Variants in PRKD1 observed in about 807,000 individuals in gnomAD.
PRKD1 encodes the protein protein kinase D1.
PRKD1 carries 63 observed loss-of-function variants against 95.9 expected under a neutral mutation model. That is an observed-to-expected ratio of 0.66 (90% confidence interval 0.54 to 0.81). The LOEUF is 0.81. PRKD1 is among the 30% of genes least tolerant of loss of function. PRKD1 has a pLI of 0.00. For missense variants in PRKD1, 1,048 were observed against 1,165.3 expected (o/e 0.90, Z 1.47); for synonymous variants, 425 against 423.1 (o/e 1.00, Z -0.05).
At chr14:29,798,168 T>C (rs1232879365) in intron 1 of PRKD1, among the ~76,000 whole-genome samples, 3 of 152,240 alleles carry the variant, frequency 2.0e-5, no homozygotes, top group South Asian at 2.1e-4. Context: ...GAAAATTTTA[T>C]GTTTTTGCAG....
chr14:29,744,677 G>A (rs1320442009), intron 1 of PRKD1, among the ~76,000 whole-genome samples: 2 of 152,140 alleles, frequency 1.3e-5, no homozygotes, highest in East Asian at 3.9e-4. Flanking sequence ...CTCCCGAGTA[G>A]TTGGGATTAC....
chr14:29,798,105 G>T (rs1889889935), intron 1 of PRKD1, among the ~76,000 whole-genome samples: 1 of 152,204 alleles, frequency 6.6e-6, no homozygotes, highest in Non-Finnish European at 1.5e-5. Context: ...TTGTGAAGAT[G>T]TCAACAGAAA....
Position 29,684,143 on chromosome 14 carries a change from GTT to G in PRKD1, c.404-17937_404-17936del, listed in dbSNP as rs11285857. Among the ~76,000 whole-genome samples, 373 of 135,794 alleles carry G rather than the reference GTT, an allele frequency of 2.7e-3. 1 individual carries two copies. Among genetic ancestry groups the G allele is most frequent in the African/African-American group, 3.7e-3 (130 of 35,046 alleles). 89.1% of individuals were successfully genotyped at this position (135,794 alleles called of 152,430 possible). A position where few individuals can be genotyped will look rare whatever the true frequency, so the allele number is the denominator to read the frequency against. On this transcript the variant is annotated intron_variant, in intron 2 of 17. Coordinates refer to ENST00000331968, the MANE Select transcript of PRKD1 (RefSeq NM_002742.3). ...CTTCCAGTATTTTTTCTTTAGAATGGTTTTTTTTTTTTTTTTCTTTTTTCTGA... is the reference window on the plus strand; with the variant it reads ...CTTCCAGTATTTTTTCTTTAGAATGGTTTTTTTTTTTTTTCTTTTTTCTGA...
At chr14:29,627,767 G>A (rs1330422350) in intron 11 of PRKD1, among the ~76,000 whole-genome samples, 1 of 151,674 alleles carries the variant, frequency 6.6e-6, no homozygotes, top group African/African-American at 2.4e-5. Context: ...TTTTTCCTTT[G>A]TTCTTCCCCC....
rs1219863055 is a variant in PRKD1 at position 29,826,822 on chromosome 14, TATATATATATATATATACACAC to T, written c.264+100405_264+100426del. ...ATATACACATATATATACACATATA[TATATATATATATATATACACAC>T]ATATATATATATATATATATATATA... On this transcript the variant is annotated intron_variant, in intron 1 of 17. Coordinates refer to ENST00000331968, the MANE Select transcript of PRKD1 (RefSeq NM_002742.3). 3.3e-3 allele frequency among the ~76,000 whole-genome samples: 97 copies of T among 29,440 alleles called. 7 individuals carry two copies. The highest frequency in any genetic ancestry group is 7.3e-3 in the South Asian group (4 of 546). 19.3% of individuals were successfully genotyped at this position (29,440 alleles called of 152,430 possible). A position where few individuals can be genotyped will look rare whatever the true frequency, so the allele number is the denominator to read the frequency against.
At chr14:29,820,821 G>C (rs905043796) in intron 1 of PRKD1, among the ~76,000 whole-genome samples, 2 of 152,186 alleles carry the variant, frequency 1.3e-5, no homozygotes, top group African/African-American at 4.8e-5. Flanking sequence ...ACATGTAATT[G>C]CCATAGTCTT....
chr14:29,658,010 A>T (rs1177013857), intron 4 of PRKD1: 1 of 152,198 alleles, frequency 6.6e-6, no homozygotes, highest in Non-Finnish European at 1.5e-5. Context: ...AAAAATTACA[A>T]CTTTGTTTGC....
chr14:29,737,228 A>C (rs1886763888), intron 1 of PRKD1, among the ~76,000 whole-genome samples: 1 of 147,562 alleles, frequency 6.8e-6, no homozygotes, highest in African/African-American at 2.5e-5. Flanking sequence ...AGGCTGAGGC[A>C]GGAGAATGGC....
chr14:29,704,668 T>C (rs1354249909), intron 2 of PRKD1, among the ~76,000 whole-genome samples: 1 of 152,112 alleles, frequency 6.6e-6, no homozygotes, highest in Admixed American at 6.6e-5. Context: ...GTGTATCCCC[T>C]CAACAGTAAC....
intron 1 of PRKD1, among the ~76,000 whole-genome samples, chr14:29,739,989 A>C (rs1886912554): frequency 6.6e-6 from 1 of 152,216 alleles, no homozygotes; most frequent in Non-Finnish European, 1.5e-5. Context: ...TAAGTTTTAA[A>C]ATAAATGTTC....
intron 1 of PRKD1, among the ~76,000 whole-genome samples, chr14:29,731,884 T>A (rs1377978486): frequency 2.7e-5 from 4 of 148,194 alleles, no homozygotes; most frequent in South Asian, 2.1e-4. Flanking sequence ...TTTTTTTTTT[T>A]TTTTTTTGAG....
intron 1 of PRKD1, among the ~76,000 whole-genome samples, chr14:29,817,347 T>G (rs1482381461): frequency 2.0e-5 from 3 of 152,040 alleles, no homozygotes; most frequent in African/African-American, 7.2e-5. Context: ...TGAAAAGATT[T>G]CAAAAAAGAT....
chr14:29,845,927 A>C (rs1344224385), intron 1 of PRKD1, among the ~76,000 whole-genome samples: 1 of 152,200 alleles, frequency 6.6e-6, no homozygotes, highest in Non-Finnish European at 1.5e-5. Flanking sequence ...GTTGTTGATG[A>C]ATCTATTTAA....
At chr14:29,834,765 T>C (rs2139302374) in intron 1 of PRKD1, among the ~76,000 whole-genome samples, 1 of 152,308 alleles carries the variant, frequency 6.6e-6, no homozygotes, top group South Asian at 2.1e-4. Flanking sequence ...TTATCTCATT[T>C]TGTGCTTACA....
intron 1 of PRKD1, among the ~76,000 whole-genome samples, chr14:29,857,267 A>T (rs1892541002): frequency 6.6e-6 from 1 of 152,200 alleles, no homozygotes; most frequent in Non-Finnish European, 1.5e-5. Context: ...CCTCAGGAGC[A>T]TGAACCCTAT....
chr14:29,787,437 T>C (rs1805646985), intron 1 of PRKD1, among the ~76,000 whole-genome samples: 1 of 152,032 alleles, frequency 6.6e-6, no homozygotes, highest in Non-Finnish European at 1.5e-5. Context: ...GATGCTGAAG[T>C]CCCTAGCTAG....
intron 1 of PRKD1, among the ~76,000 whole-genome samples, chr14:29,809,066 C>T (rs1238619136): frequency 1.3e-5 from 2 of 152,232 alleles, no homozygotes; most frequent in South Asian, 2.1e-4. Context: ...CATTTAATTC[C>T]TTGTCCATCT....
intron 1 of PRKD1, among the ~76,000 whole-genome samples, chr14:29,916,152 T>C (rs1455851241): frequency 2.0e-5 from 3 of 152,210 alleles, no homozygotes; most frequent in Non-Finnish European, 4.4e-5. Context: ...GAACCTTGCC[T>C]ATCATGACCC....
chr14:29,578,310 T>G lies in PRKD1; in HGVS notation c.2485A>C (p.Ser829Arg), dbSNP rs536679317. 15 of 1,611,334 alleles carry G rather than the reference T, an allele frequency of 9.3e-6. No individual in the cohort carries two copies. The highest frequency in any genetic ancestry group is 1.7e-4 in the Middle Eastern group (1 of 6,044). Residue 829 changes from serine to arginine, a missense_variant, in exon 17 of 18, where the codon AGT becomes CGT. Physicochemically the swap from Ser to Arg is moderately radical, Grantham distance 110. Around this residue, in one of 3 missense-constraint regions of PRKD1, gnomAD observed 739 missense variants for 861.9 expected, o/e 0.86. Coordinates refer to ENST00000331968, the MANE Select transcript of PRKD1 (RefSeq NM_002742.3). ...GGGTGGCTCAAGGTCTTATCCACAC[T>G]GTAGCGCTTTCTCATTTTTACTTGC... ...LLQVKMRKRY[S>R]VDKTLSHPWL...
Sources: allele counts gnomAD v4.1 joint callset (sites outside exome capture counted in the v4.1 genomes callset), GRCh38; gene constraint gnomAD v4.1.1; regional missense constraint gnomAD v4.1.1; transcripts MANE v1.5; gene names NCBI Gene and HGNC (gene_info 2026-07-23, HGNC 2026-07-21).